The following FLT1 variants were observed in gnomAD, a reference collection of about 807,000 sequenced individuals.
FLT1 encodes vascular endothelial growth factor receptor 1.
In FLT1, 49 loss-of-function variants were observed where a neutral mutation model predicts 156.3. The ratio of observed to expected loss-of-function variants is 0.31; its 90% CI spans 0.25 to 0.40. FLT1 has a LOEUF of 0.40. FLT1 is among the 10% of genes least tolerant of loss of function. The pLI is 1.00. For missense variants in FLT1, 1,322 were observed against 1,637.2 expected (o/e 0.81, Z 3.32); for synonymous variants, 594 against 583.8 (o/e 1.02, Z -0.25).
intron 10 of FLT1, among the ~76,000 whole-genome samples, chr13:28,406,451 T>C (rs183909006): frequency 8.5e-5 from 13 of 152,294 alleles, no homozygotes; most frequent in Admixed American, 7.2e-4. Context: ...AATTATAAAA[T>C]AAAGGTGTTG....
intron 1 of FLT1, among the ~76,000 whole-genome samples, chr13:28,488,291 T>C (rs532390899): frequency 5.3e-4 from 80 of 152,150 alleles, no homozygotes; most frequent in Non-Finnish European, 8.5e-4. Context: ...TCCCAGCTAC[T>C]TGGGAGGCTG....
At chr13:28,326,852 C>T (rs1414349422) in intron 20 of FLT1, among the ~76,000 whole-genome samples, 8 of 152,088 alleles carry the variant, frequency 5.3e-5, no homozygotes, top group Non-Finnish European at 8.8e-5. Flanking sequence ...CCTTGTTTGC[C>T]CTTAGGTCTT....
At chr13:28,346,129 T>C (rs1479122435) in intron 15 of FLT1, 1 of 154,070 alleles carries the variant, frequency 6.5e-6, no homozygotes, top group Non-Finnish European at 1.4e-5. Flanking sequence ...ACTCCCTTTG[T>C]CTAGGGCTCT....
intron 15 of FLT1, among the ~76,000 whole-genome samples, chr13:28,346,703 T>G: frequency 6.6e-6 from 1 of 152,214 alleles, no homozygotes; most frequent in Middle Eastern, 3.4e-3. Context: ...GAGCAAGACC[T>G]GGTCTCAAAA....
intron 19 of FLT1, among the ~76,000 whole-genome samples, chr13:28,328,099 G>T (rs1029301743): frequency 6.6e-6 from 1 of 152,224 alleles, no homozygotes; most frequent in African/African-American, 2.4e-5. Context: ...AGGCTTTGCA[G>T]ATCAAGGAGC....
At chr13:28,429,897 C>T (rs779048617) in intron 8 of FLT1, among the ~76,000 whole-genome samples, 153 bp downstream of exon 8, 35 of 152,190 alleles carry the variant, frequency 2.3e-4, no homozygotes, top group Non-Finnish European at 4.9e-4. Context: ...CTTCTCACCT[C>T]CACCACCCAA....
intron 25 of FLT1, among the ~76,000 whole-genome samples, chr13:28,313,493 GGACTCT>G (rs2138816437): frequency 6.6e-6 from 1 of 152,252 alleles, no homozygotes; most frequent in East Asian, 1.9e-4. Context: ...GGATGAGAAG[GGACTCT>G]GACTTACACT....
At chr13:28,353,684 A>G (rs1214244948) in intron 15 of FLT1, among the ~76,000 whole-genome samples, 1 of 152,140 alleles carries the variant, frequency 6.6e-6, no homozygotes, top group African/African-American at 2.4e-5. Context: ...ATTGAGTTCC[A>G]GGGCTACTGA....
intron 14 of FLT1, among the ~76,000 whole-genome samples, chr13:28,362,557 GCCTATAAT>G (rs1873148493): frequency 6.6e-6 from 1 of 152,136 alleles, no homozygotes; most frequent in African/African-American, 2.4e-5. Context: ...AGTGGCTCAT[GCCTATAAT>G]CCCAGCACTT....
At chr13:28,472,971 A>AT (rs1880259545) in intron 1 of FLT1, among the ~76,000 whole-genome samples, 1 of 152,246 alleles carries the variant, frequency 6.6e-6, no homozygotes, top group Admixed American at 6.5e-5. Flanking sequence ...CAAAGAAGAT[A>AT]TATAAATGAC....
intron 2 of FLT1, 129 bp downstream of exon 2, chr13:28,467,392 G>A: frequency 1.4e-6 from 1 of 712,642 alleles, no homozygotes; most frequent in East Asian, 2.7e-5. Flanking sequence ...ATGGGAAGCT[G>A]GATGCCTATG....
rs73158161 is a variant in FLT1, at chr13:28,401,724, G to A, written c.1551+4056C>T. On this transcript the variant is annotated intron_variant, in intron 11 of 29. Transcript: ENST00000282397. ...GAGCCAACTGATGGGAAAACAGAAC[G>A]TGAGATTTAGAAAAAATTGGGGTGT... Among the ~76,000 whole-genome samples, 380 of 152,288 alleles carry A rather than the reference G, an allele frequency of 2.5e-3. 2 individuals are homozygous for A. Among genetic ancestry groups the A allele is most frequent in the Non-Finnish European group, 3.7e-3 (250 of 68,014 alleles).
intron 14 of FLT1, among the ~76,000 whole-genome samples, chr13:28,364,730 A>C (rs898177847): frequency 6.6e-6 from 1 of 152,126 alleles, no homozygotes; most frequent in Non-Finnish European, 1.5e-5. Flanking sequence ...ATACTATCTG[A>C]ATTTTTTATG....
intron 24 of FLT1, among the ~76,000 whole-genome samples, chr13:28,318,561 G>T (rs1036475315): frequency 1.3e-5 from 2 of 152,170 alleles, no homozygotes; most frequent in Non-Finnish European, 2.9e-5. Context: ...GCTGGGAGGC[G>T]TGCAGTGCTG....
chr13:28,383,563 T>C (rs1168794603), intron 14 of FLT1, among the ~76,000 whole-genome samples: 2 of 151,546 alleles, frequency 1.3e-5, no homozygotes, highest in Non-Finnish European at 2.9e-5. Flanking sequence ...CTCGGGAGGC[T>C]GAGTCAGGAG....
At chr13:28,415,545 T>A (rs1876599214) in intron 10 of FLT1, among the ~76,000 whole-genome samples, 1 of 152,192 alleles carries the variant, frequency 6.6e-6, no homozygotes, top group African/African-American at 2.4e-5. Context: ...CTCACTCCTA[T>A]CTCATGTAAG....
chr13:28,427,463 T>A, intron 9 of FLT1, 145 bp from the exon 10 acceptor site: 1 of 825,682 alleles, frequency 1.2e-6, no homozygotes, highest in Non-Finnish European at 2.0e-6. Context: ...CCCTCCTATT[T>A]GTCAAGAAAA....
intron 8 of FLT1, among the ~76,000 whole-genome samples, chr13:28,428,921 G>A (rs931831941): frequency 4.6e-5 from 7 of 152,150 alleles, no homozygotes; most frequent in Admixed American, 2.6e-4. Context: ...TATTGTCTTG[G>A]TATTACTTTA....
intron 15 of FLT1, among the ~76,000 whole-genome samples, chr13:28,346,877 T>C (rs2138860851): frequency 6.6e-6 from 1 of 152,326 alleles, no homozygotes; most frequent in African/African-American, 2.4e-5. Flanking sequence ...TCAGGGGCAG[T>C]AATACTCCAG....
Sources: gnomAD v4.1 joint callset for allele counts (sites outside exome capture counted in the v4.1 genomes callset) on GRCh38, gnomAD v4.1.1 for gene constraint, MANE v1.5 for transcripts, NCBI Gene and HGNC (gene_info 2026-07-23, HGNC 2026-07-21) for gene names.